UGT1A4: variants seen among roughly 807,000 people sequenced by gnomAD.
UGT1A4 encodes the protein UDP glucuronosyltransferase family 1 member A4, also known as UDP-glucuronosyltransferase 1A4.
UGT1A4 carries 32 observed loss-of-function variants against 41.1 expected under a neutral mutation model. The observed-to-expected ratio is 0.78, with a 90% CI of 0.59 to 1.05. The LOEUF (loss-of-function observed/expected upper bound fraction) is 1.05. Among genes scored for constraint, UGT1A4 ranks in the 50% least tolerant of loss-of-function variants. The probability of loss-of-function intolerance (pLI) is 0.00; values close to 1 mark genes in which losing one functional copy is unlikely to be tolerated. For synonymous variants in UGT1A4, 283 were observed against 265.1 expected, an observed-to-expected ratio of 1.07 and a Z score of -0.66; for missense variants, 748 against 677.4, an observed-to-expected ratio of 1.10 and a Z score of -1.16.
At chr2:233,743,810 G>C (rs765761325) in intron 1 of UGT1A4, 1 of 1,367,316 alleles carries the variant, frequency 7.3e-7, no homozygotes, top group Non-Finnish European at 9.8e-7. Flanking sequence ...CTTGTTCTCA[G>C]GGTTTTTGTC....
At chr2:233,752,262 A>T (rs1694925315) in intron 1 of UGT1A4, 1 of 152,020 alleles carries the variant, frequency 6.6e-6, no homozygotes. Context: ...TGGTCACAGG[A>T]CTCCAGGTCT....
chr2:233,739,654 C>T (rs1048629610), intron 1 of UGT1A4, among the ~76,000 whole-genome samples: 2 of 152,192 alleles, frequency 1.3e-5, no homozygotes, highest in South Asian at 4.1e-4. Flanking sequence ...AATTTCTGTA[C>T]CCCCATTGTG....
intron 1 of UGT1A4, chr2:233,742,939 C>T (rs750908913): frequency 4.7e-6 from 1 of 212,356 alleles, no homozygotes; most frequent in Non-Finnish European, 9.5e-6. Context: ...TTCTGTCCTA[C>T]CACTAGCAAA....
chr2:233,728,519 T>A (rs554437278), intron 1 of UGT1A4, among the ~76,000 whole-genome samples: 5 of 152,180 alleles, frequency 3.3e-5, no homozygotes, highest in Admixed American at 1.3e-4. Context: ...TTTTCTATAT[T>A]GACAGCCACT....
intron 1 of UGT1A4, chr2:233,760,208 A>G: frequency 6.3e-7 from 1 of 1,589,248 alleles, no homozygotes; most frequent in Non-Finnish European, 8.5e-7. Flanking sequence ...TCAAACATTA[A>G]CTTGGTGTAT....
intron 1 of UGT1A4, among the ~76,000 whole-genome samples, chr2:233,764,460 T>C (rs1698566935): frequency 6.6e-6 from 1 of 152,182 alleles, no homozygotes; most frequent in East Asian, 1.9e-4. Flanking sequence ...ACTTTCGTGA[T>C]CTCCTGCTAT....
chr2:233,737,470 C>T (rs544364093), intron 1 of UGT1A4, among the ~76,000 whole-genome samples: 5 of 152,298 alleles, frequency 3.3e-5, no homozygotes, highest in African/African-American at 1.2e-4. Flanking sequence ...GTCATGGCTC[C>T]CCTTGTCTAG....
At chr2:233,760,933 G>A (rs1697618719) in intron 1 of UGT1A4, 3 of 1,614,198 alleles carry the variant, frequency 1.9e-6, no homozygotes, top group South Asian at 1.1e-5. Flanking sequence ...CATGCTCATT[G>A]CCTTTTCACA....
At chr2:233,758,604 G>A (rs1575759841) in intron 1 of UGT1A4, among the ~76,000 whole-genome samples, 2 of 152,306 alleles carry the variant, frequency 1.3e-5, no homozygotes, top group East Asian at 3.9e-4. Context: ...AGGAGCTTCA[G>A]TGTGCATGTG....
At chr2:233,762,916 A>C (rs1698195607) in intron 1 of UGT1A4, among the ~76,000 whole-genome samples, 2 of 152,252 alleles carry the variant, frequency 1.3e-5, no homozygotes, top group African/African-American at 4.8e-5. Flanking sequence ...TATTGAATTT[A>C]TTAGAATCTC....
At chr2:233,753,985 C>G (rs1431608078) in intron 1 of UGT1A4, among the ~76,000 whole-genome samples, 1 of 152,164 alleles carries the variant, frequency 6.6e-6, no homozygotes, top group Non-Finnish European at 1.5e-5. Context: ...TGTTTTAAGC[C>G]ACCAAGTTTG....
Position 233,772,667 on chromosome 2 carries a change from T to C in UGT1A4, c.*108T>C. On this transcript the variant is annotated 3_prime_UTR_variant, in exon 5 of 5. Transcript: ENST00000373409. Reference sequence around the variant, plus strand: ...TTTTATTCTTATTAAGGAAATACTTTGCATAAATTAATCAGCCCCAGAGTG... The same window carrying C: ...TTTTATTCTTATTAAGGAAATACTTCGCATAAATTAATCAGCCCCAGAGTG... The C allele has an allele frequency of 2.0e-6, 3 of 1,538,078 alleles. No individual in the cohort carries two copies. Among genetic ancestry groups the C allele is most frequent in the Admixed American group, 4.0e-5 (2 of 50,106 alleles).
At chr2:233,754,942 A>T in intron 1 of UGT1A4, 4 of 1,333,346 alleles carry the variant, frequency 3.0e-6, no homozygotes, top group Non-Finnish European at 4.0e-6. Flanking sequence ...TCAAAGGAGA[A>T]TGGGTCCCGG....
chr2:233,736,518 C>G (rs567664154), intron 1 of UGT1A4, among the ~76,000 whole-genome samples: 1 of 152,188 alleles, frequency 6.6e-6, no homozygotes, highest in Admixed American at 6.5e-5. Context: ...TCTGTCAACT[C>G]GTCAAAGTCA....
chr2:233,732,205 G>T, intron 1 of UGT1A4, among the ~76,000 whole-genome samples: 1 of 152,068 alleles, frequency 6.6e-6, no homozygotes, highest in South Asian at 2.1e-4. Context: ...TTGTCAGATG[G>T]GTAGATTGCA....
At chr2:233,748,299 A>G (rs891574049) in intron 1 of UGT1A4, among the ~76,000 whole-genome samples, 4 of 151,748 alleles carry the variant, frequency 2.6e-5, no homozygotes, top group African/African-American at 9.7e-5. Flanking sequence ...ATGAATGTTT[A>G]TCAAAGGATG....
In UGT1A4 at chr2:233,724,159, G is replaced by T. The variant is rs1253730217; in HGVS notation, c.867+4472G>T. Among the ~76,000 whole-genome samples the T allele has an allele frequency of 6.2e-4, 77 of 124,140 alleles. 1 individual carries two copies. Among genetic ancestry groups the T allele is most frequent in the African/African-American group, 2.5e-3 (70 of 28,440 alleles). The allele number at this position is 124,140 out of a possible 152,430, so 81.4% of individuals were successfully genotyped here. A position where few individuals can be genotyped will look rare whatever the true frequency, so the allele number is the denominator to read the frequency against. On this transcript the variant is annotated intron_variant, in intron 1 of 4. Transcript: ENST00000373409. Reference sequence around the variant, plus strand: ...GACGGGGCGGCTGGCCGGGTGGGGGGGCTGACCCCCCCATCTCCCTCCCGG... The same window carrying T: ...GACGGGGCGGCTGGCCGGGTGGGGGTGCTGACCCCCCCATCTCCCTCCCGG...
chr2:233,728,576 A>C (rs913961228), intron 1 of UGT1A4, among the ~76,000 whole-genome samples: 5 of 152,214 alleles, frequency 3.3e-5, no homozygotes, highest in African/African-American at 1.2e-4. Context: ...CCTGGTGCGA[A>C]AAACGACCAA....
rs541555722 is a variant in UGT1A4 at position 233,725,921 on chromosome 2, T to C, written c.867+6234T>C. On this transcript the variant is annotated intron_variant, in intron 1 of 4. Coordinates refer to ENST00000373409, the MANE Select transcript of UGT1A4 (RefSeq NM_007120.3). ...TGGCTCACACCTGCAATTTCAGCCC[T>C]TTGGGAGACTGATGCAGGAGGATTG... Among the ~76,000 whole-genome samples the C allele has an allele frequency of 3.0e-4, 46 of 152,308 alleles. No individual in the cohort carries two copies. The South Asian group carries it at 8.7e-3, about 29-fold the overall frequency.
Sources: allele counts gnomAD v4.1 joint callset (sites outside exome capture counted in the v4.1 genomes callset), GRCh38; gene constraint gnomAD v4.1.1; transcripts MANE v1.5; gene names NCBI Gene and HGNC (gene_info 2026-07-23, HGNC 2026-07-21).